GRIN2B: variants seen among roughly 807,000 people sequenced by gnomAD.
GRIN2B encodes glutamate ionotropic receptor NMDA type subunit 2B.
In GRIN2B, 5 loss-of-function variants were observed where a neutral mutation model predicts 114.5. That is an observed-to-expected ratio of 0.04 (90% confidence interval 0.02 to 0.09). GRIN2B has a LOEUF of 0.09. Among genes scored for constraint, GRIN2B ranks in the 10% least tolerant of loss-of-function variants. The pLI is 1.00. For missense variants in GRIN2B, 1,108 were observed against 1,943.5 expected (o/e 0.57, Z 8.08); for synonymous variants, 787 against 745.1 (o/e 1.06, Z -0.92).
chr12:13,788,401 GTCAA>G (rs1864256667), intron 3 of GRIN2B, among the ~76,000 whole-genome samples: 3 of 152,090 alleles, frequency 2.0e-5, no homozygotes, highest in South Asian at 2.1e-4. Context: ...TACTGATACT[GTCAA>G]TCAGAGAAAA....
intron 3 of GRIN2B, among the ~76,000 whole-genome samples, chr12:13,825,500 G>GTGTGTGTA (rs1865019334): frequency 8.6e-6 from 1 of 116,396 alleles, no homozygotes; most frequent in Non-Finnish European, 1.8e-5. Flanking sequence ...TATATTTTGT[G>GTGTGTGTA]TGTGTGTGTG....
intron 2 of GRIN2B, among the ~76,000 whole-genome samples, chr12:13,944,995 C>T (rs1023007963): frequency 1.3e-5 from 2 of 152,086 alleles, no homozygotes; most frequent in African/African-American, 4.8e-5. Flanking sequence ...TCCAGTAAAC[C>T]ATGAGTTGTT....
intron 2 of GRIN2B, among the ~76,000 whole-genome samples, chr12:13,971,749 C>T (rs1862921243): frequency 6.6e-6 from 1 of 152,188 alleles, no homozygotes; most frequent in African/African-American, 2.4e-5. Flanking sequence ...AGGATGTTTG[C>T]AAAACCAAGA....
chr12:13,688,926 C>T (rs762196999), intron 4 of GRIN2B, among the ~76,000 whole-genome samples: 2 of 152,150 alleles, frequency 1.3e-5, no homozygotes, highest in Non-Finnish European at 2.9e-5. Flanking sequence ...AGATTCACAC[C>T]GTAGAATAGC....
intron 5 of GRIN2B, among the ~76,000 whole-genome samples, chr12:13,621,858 C>T (rs2136488144): frequency 6.6e-6 from 1 of 152,140 alleles, no homozygotes; most frequent in East Asian, 1.9e-4. Context: ...TAACAGATTC[C>T]TCCATTACTG....
At chr12:13,861,906 G>A (rs1865758608) in intron 3 of GRIN2B, among the ~76,000 whole-genome samples, 1 of 152,126 alleles carries the variant, frequency 6.6e-6, no homozygotes, top group South Asian at 2.1e-4. Context: ...ATGTTAGGCT[G>A]GACACTTCAG....
chr12:13,977,135 G>C (rs1863035067), intron 2 of GRIN2B, among the ~76,000 whole-genome samples: 1 of 152,170 alleles, frequency 6.6e-6, no homozygotes. Context: ...GCAAAGTATT[G>C]AATTGAGGAT....
chr12:13,876,727 T>C (rs1312254010), intron 2 of GRIN2B, among the ~76,000 whole-genome samples: 1 of 152,150 alleles, frequency 6.6e-6, no homozygotes, highest in Admixed American at 6.5e-5. Context: ...AGTATAGAAG[T>C]ACAGGAAAGG....
At chr12:13,951,723 T>C (rs1867482207) in intron 2 of GRIN2B, among the ~76,000 whole-genome samples, 1 of 152,084 alleles carries the variant, frequency 6.6e-6, no homozygotes, top group Non-Finnish European at 1.5e-5. Context: ...TGTTCATCTC[T>C]CTCTCTAGAC....
intron 2 of GRIN2B, among the ~76,000 whole-genome samples, chr12:13,893,978 C>A (rs979030841): frequency 1.3e-5 from 2 of 151,942 alleles, no homozygotes; most frequent in African/African-American, 4.8e-5. Flanking sequence ...GGAAAATTGT[C>A]CGATATTACT....
chr12:13,758,170 T>G (rs1016802846), intron 3 of GRIN2B, among the ~76,000 whole-genome samples: 3 of 152,188 alleles, frequency 2.0e-5, no homozygotes, highest in African/African-American at 7.2e-5. Context: ...ATCTTCAGAA[T>G]TCCCCCACAG....
At chr12:13,697,756 T>A (rs181556769) in intron 4 of GRIN2B, among the ~76,000 whole-genome samples, 6 of 152,298 alleles carry the variant, frequency 3.9e-5, no homozygotes. Context: ...TGTACTTTTG[T>A]GTGCATTTCA....
chr12:13,603,595 C>T (rs183779631), intron 10 of GRIN2B, among the ~76,000 whole-genome samples: 1 of 151,858 alleles, frequency 6.6e-6, no homozygotes, highest in East Asian at 1.9e-4. Flanking sequence ...GGGAAGTTAT[C>T]GCTGAAGTTA....
At chr12:13,767,547 T>TA (rs1374573105) in intron 3 of GRIN2B, among the ~76,000 whole-genome samples, 3 of 152,214 alleles carry the variant, frequency 2.0e-5, no homozygotes, top group Non-Finnish European at 4.4e-5. Flanking sequence ...AACAGCAACA[T>TA]AGTTTCTCAA....
intron 2 of GRIN2B, among the ~76,000 whole-genome samples, chr12:13,880,391 T>C (rs1216169855): frequency 6.6e-6 from 1 of 152,208 alleles, no homozygotes; most frequent in Non-Finnish European, 1.5e-5. Context: ...GAATTGGGGA[T>C]GCTCAGCTGG....
At chr12:13,942,914 G>A (rs144702040) in intron 2 of GRIN2B, among the ~76,000 whole-genome samples, 33 of 152,226 alleles carry the variant, frequency 2.2e-4, no homozygotes, top group Admixed American at 8.5e-4. Flanking sequence ...AGCCACTGTC[G>A]GAGTTATCTT....
Position 13,865,818 on chromosome 12 carries a change from A to G in GRIN2B, c.391T>C (p.Ser131Pro). 6.2e-7 allele frequency: 1 copy of G among 1,613,902 alleles called. No homozygotes were observed. Among genetic ancestry groups the G allele is most frequent in the Admixed American group, 1.7e-5 (1 of 60,014 alleles). The change falls in exon 3 of 14, where the codon TCT (serine) becomes CCT (proline). Residue 131 changes from serine (S) to proline (P), a missense_variant. Physicochemically the swap from Ser to Pro is moderately conservative, Grantham distance 74. This residue lies in a region of GRIN2B where 199 missense variants were observed against 439.6 expected (regional missense o/e 0.45). Transcript: ENST00000609686. ...TTTACCTTATCTGCCATTATCATAG[A>G]GGAGCCCCCGTGGATGCCCAGGATG... Reference protein sequence around the residue: ...TPILGIHGGSSMIMADKDESS... With the variant: ...TPILGIHGGSPMIMADKDESS...
Position 13,547,485 on chromosome 12 carries a change from C to CT in GRIN2B, c.*15297dup, listed in dbSNP as rs1948357962. Reference sequence around the variant, plus strand: ...TTAAATGAAATCTGCTGATTCTACTCTTTTTTCATGAATTTCTGTATGATA... The same window carrying CT: ...TTAAATGAAATCTGCTGATTCTACTCTTTTTTTCATGAATTTCTGTATGATA... On this transcript the variant is annotated 3_prime_UTR_variant, in exon 14 of 14. Transcript: ENST00000609686. The CT allele has an allele frequency of 6.6e-6, 1 of 152,016 alleles. No individual in the cohort carries two copies. The highest frequency in any genetic ancestry group is 2.4e-5 in the African/African-American group (1 of 41,410). The allele number at this position is 152,016 out of a possible 1,614,324, so 9.4% of individuals were successfully genotyped here. A position where few individuals can be genotyped will look rare whatever the true frequency, so the allele number is the denominator to read the frequency against.
At chr12:13,583,326 A>T (rs1294910357) in intron 10 of GRIN2B, among the ~76,000 whole-genome samples, 3 of 152,238 alleles carry the variant, frequency 2.0e-5, no homozygotes, top group African/African-American at 7.2e-5. Flanking sequence ...ATAGTAACTC[A>T]TTGATCCTCT....
Sources: allele counts gnomAD v4.1 joint callset (sites outside exome capture counted in the v4.1 genomes callset), GRCh38; gene constraint gnomAD v4.1.1; regional missense constraint gnomAD v4.1.1; transcripts MANE v1.5; gene names NCBI Gene and HGNC (gene_info 2026-07-23, HGNC 2026-07-21).